OXCT1: variants seen among roughly 807,000 people sequenced by gnomAD.
OXCT1 encodes succinyl-CoA:3-ketoacid coenzyme A transferase 1, mitochondrial.
A neutral mutation model predicts 69.6 loss-of-function variants in OXCT1; 27 were observed. The observed-to-expected ratio is 0.39, with a 90% confidence interval of 0.29 to 0.54. OXCT1 has a LOEUF of 0.54. OXCT1 is among the 20% of genes least tolerant of loss of function. The probability of loss-of-function intolerance (pLI) is 0.72; values close to 1 mark genes in which losing one functional copy is unlikely to be tolerated. For missense variants in OXCT1, 437 were observed against 650.2 expected (o/e 0.67, Z 3.57); for synonymous variants, 202 against 217.8 (o/e 0.93, Z 0.64).
intron 16 of OXCT1, among the ~76,000 whole-genome samples, chr5:41,733,277 G>A (rs1393970682): frequency 2.0e-5 from 2 of 97,598 alleles, no homozygotes; most frequent in Non-Finnish European, 4.0e-5. Context: ...ACGGAGTTTT[G>A]CTCTTGTTGC....
chr5:41,832,133 T>C (rs1343962568), intron 7 of OXCT1, among the ~76,000 whole-genome samples: 2 of 152,232 alleles, frequency 1.3e-5, no homozygotes, highest in East Asian at 3.9e-4. Flanking sequence ...AATGCAGACC[T>C]GGCTGGCTTC....
At chr5:41,746,021 A>G (rs1002830647) in intron 15 of OXCT1, among the ~76,000 whole-genome samples, 8 of 152,302 alleles carry the variant, frequency 5.3e-5, no homozygotes, top group Non-Finnish European at 1.0e-4. Flanking sequence ...ATCAATAGAA[A>G]AAGAAGGAAT....
intron 5 of OXCT1, among the ~76,000 whole-genome samples, chr5:41,846,662 G>A (rs1748921793): frequency 6.6e-6 from 1 of 152,184 alleles, no homozygotes; most frequent in South Asian, 2.1e-4. Context: ...TGGGATGGCT[G>A]GGTCAAATGG....
At chr5:41,833,801 T>C (rs1294232386) in intron 7 of OXCT1, among the ~76,000 whole-genome samples, 1 of 152,156 alleles carries the variant, frequency 6.6e-6, no homozygotes, top group Non-Finnish European at 1.5e-5. Flanking sequence ...GGCTCATGCC[T>C]GTAATCCCTG....
chr5:41,788,573 G>A (rs1256170709), intron 13 of OXCT1, among the ~76,000 whole-genome samples: 1 of 152,130 alleles, frequency 6.6e-6, no homozygotes, highest in Non-Finnish European at 1.5e-5. Flanking sequence ...TTATTGAAGA[G>A]ACAAAATGAC....
At chr5:41,750,135 GTTTT>G (rs11291155) in intron 14 of OXCT1, among the ~76,000 whole-genome samples, 20 of 73,922 alleles carry the variant, frequency 2.7e-4, no homozygotes, top group African/African-American at 8.1e-4. Flanking sequence ...GTGTTTTTTG[GTTTT>G]TTTTTTTTTT....
chr5:41,813,702 C>T (rs754607555), intron 7 of OXCT1, among the ~76,000 whole-genome samples: 1 of 151,590 alleles, frequency 6.6e-6, no homozygotes, highest in African/African-American at 2.4e-5. Flanking sequence ...AAAGAGGTGA[C>T]AAAAACCATA....
At chr5:41,791,301 ACTT>A (rs748254029) in intron 13 of OXCT1, among the ~76,000 whole-genome samples, 2 of 152,164 alleles carry the variant, frequency 1.3e-5, no homozygotes, top group African/African-American at 4.8e-5. Flanking sequence ...ACCCAGGAAC[ACTT>A]CTTATGCTTA....
chr5:41,867,734 C>T (rs934162179), intron 1 of OXCT1, among the ~76,000 whole-genome samples: 1 of 152,210 alleles, frequency 6.6e-6, no homozygotes, highest in African/African-American at 2.4e-5. Context: ...ACCAGAAGGA[C>T]TGCAGCTCAG....
chr5:41,826,233 A>G (rs1747802402), intron 7 of OXCT1, among the ~76,000 whole-genome samples: 3 of 152,242 alleles, frequency 2.0e-5, no homozygotes, highest in Non-Finnish European at 4.4e-5. Context: ...CAATATTTTT[A>G]AAACAAAATT....
intron 7 of OXCT1, among the ~76,000 whole-genome samples, chr5:41,826,940 G>T (rs1025673362): frequency 1.3e-5 from 2 of 152,086 alleles, no homozygotes; most frequent in African/African-American, 4.8e-5. Context: ...CCAAGTGTAG[G>T]AGTGAATCTC....
intron 2 of OXCT1, 120 bp downstream of exon 2, chr5:41,862,522 C>T: frequency 1.5e-6 from 1 of 655,000 alleles, no homozygotes; most frequent in Non-Finnish European, 2.8e-6. Flanking sequence ...ATAATATGTA[C>T]AATAAATAAT....
intron 13 of OXCT1, among the ~76,000 whole-genome samples, chr5:41,767,126 T>C (rs1744643557): frequency 6.6e-6 from 1 of 152,112 alleles, no homozygotes; most frequent in Non-Finnish European, 1.5e-5. Context: ...TTTAAACATA[T>C]AGTAACAGGT....
chr5:41,861,799 A>C (rs1379543005), intron 2 of OXCT1, among the ~76,000 whole-genome samples: 1 of 152,182 alleles, frequency 6.6e-6, no homozygotes, highest in Non-Finnish European at 1.5e-5. Flanking sequence ...CAAAACTGTC[A>C]TTTCTTTATA....
Position 41,731,465 on chromosome 5 carries a change from A to C in OXCT1, c.*264T>G. The C allele has an allele frequency of 1.1e-6, 1 of 918,868 alleles. No individual in the cohort carries two copies. Among genetic ancestry groups the C allele is most frequent in the East Asian group, 3.8e-5 (1 of 26,216 alleles). 56.9% of individuals were successfully genotyped at this position (918,868 alleles called of 1,614,324 possible). A position where few individuals can be genotyped will look rare whatever the true frequency, so the allele number is the denominator to read the frequency against. Reference sequence around the variant, plus strand: ...TTAGCATACATACCATATTCAGTGAAAATGCATTCAATATAATTACCTATT... The same window carrying C: ...TTAGCATACATACCATATTCAGTGACAATGCATTCAATATAATTACCTATT... On this transcript the variant is annotated 3_prime_UTR_variant, in exon 17 of 17. Transcript: ENST00000196371.
At chr5:41,740,370 A>G (rs147756085) in intron 15 of OXCT1, among the ~76,000 whole-genome samples, 58 of 152,352 alleles carry the variant, frequency 3.8e-4, no homozygotes, top group African/African-American at 1.3e-3. Flanking sequence ...TGTAAAACAT[A>G]TAGTCTCAAA....
intron 5 of OXCT1, among the ~76,000 whole-genome samples, chr5:41,849,305 T>C (rs1424366751): frequency 6.6e-6 from 1 of 152,152 alleles, no homozygotes; most frequent in East Asian, 1.9e-4. Context: ...ACTACAGCAT[T>C]TCTGCAACCT....
intron 7 of OXCT1, among the ~76,000 whole-genome samples, chr5:41,824,087 C>A (rs138667634): frequency 6.6e-6 from 1 of 152,124 alleles, no homozygotes; most frequent in Non-Finnish European, 1.5e-5. Context: ...TCAAAATATA[C>A]CAACCGTCAT....
chr5:41,731,363 T>C lies in OXCT1; in HGVS notation c.*366A>G. ...AAAAATCACATATGTTATCTTTCTT[T>C]CAGGACTAATAATTAATATTTAAGA... On this transcript the variant is annotated 3_prime_UTR_variant, in exon 17 of 17. Transcript: ENST00000196371. 9.7e-7 allele frequency: 1 copy of C among 1,033,868 alleles called. No homozygotes were observed. Among genetic ancestry groups the C allele is most frequent in the Non-Finnish European group, 1.2e-6 (1 of 858,364 alleles). The allele number at this position is 1,033,868 out of a possible 1,614,324, so 64.0% of individuals were successfully genotyped here. A position where few individuals can be genotyped will look rare whatever the true frequency, so the allele number is the denominator to read the frequency against.
Sources: gnomAD v4.1 joint callset for allele counts (sites outside exome capture counted in the v4.1 genomes callset) on GRCh38, gnomAD v4.1.1 for gene constraint, MANE v1.5 for transcripts, NCBI Gene and HGNC (gene_info 2026-07-23, HGNC 2026-07-21) for gene names.